The following C4orf51 variants were observed in gnomAD, a reference collection of about 807,000 sequenced individuals.
C4orf51 encodes the protein chromosome 4 open reading frame 51, also known as uncharacterized protein C4orf51.
In C4orf51, 25 loss-of-function variants were observed where a neutral mutation model predicts 25.2. The observed-to-expected ratio is 0.99, with a 90% CI of 0.72 to 1.39. The LOEUF (loss-of-function observed/expected upper bound fraction) is 1.39. Among genes scored for constraint, C4orf51 ranks in the 40% most tolerant of loss-of-function variants. The pLI is 0.00. For missense variants in C4orf51, 252 were observed against 239.6 expected, an observed-to-expected ratio of 1.05 and a Z score of -0.34; for synonymous variants, 100 against 84.5, an observed-to-expected ratio of 1.18 and a Z score of -1.01.
intron 1 of C4orf51, among the ~76,000 whole-genome samples, chr4:145,685,981 A>G (rs2126656712): frequency 6.6e-6 from 1 of 152,338 alleles, no homozygotes; most frequent in Non-Finnish European, 1.5e-5. Flanking sequence ...TAAATAAAAG[A>G]CTTGTGAAAG....
At chr4:145,737,943 A>G (rs1732890297) in intron 1 of C4orf51, among the ~76,000 whole-genome samples, 1 of 152,198 alleles carries the variant, frequency 6.6e-6, no homozygotes, top group Admixed American at 6.5e-5. Flanking sequence ...GGTGGAAACC[A>G]GACAGGTTAA....
the C4orf51 span, among the ~76,000 whole-genome samples, chr4:145,789,817 T>C: frequency 6.6e-6 from 1 of 152,226 alleles, no homozygotes; most frequent in Non-Finnish European, 1.5e-5. Flanking sequence ...GAAGCATCCA[T>C]GATCACATAA....
chr4:145,749,546 T>G (rs6537373), intron 1 of C4orf51, among the ~76,000 whole-genome samples: 62,521 of 151,868 alleles, frequency 0.41, 14,126 homozygotes, highest in Non-Finnish European at 0.53. Context: ...ATGATTTAGT[T>G]TCTTACTTTT....
At chr4:145,688,745 T>C (rs1729342525) in intron 1 of C4orf51, among the ~76,000 whole-genome samples, 1 of 152,224 alleles carries the variant, frequency 6.6e-6, no homozygotes, top group Non-Finnish European at 1.5e-5. Context: ...AAGGATATTG[T>C]AAAAATGTCA....
At chr4:145,699,878 G>A (rs1215393047) in intron 2 of C4orf51, among the ~76,000 whole-genome samples, 3 of 150,244 alleles carry the variant, frequency 2.0e-5, no homozygotes, top group Non-Finnish European at 4.4e-5. Context: ...GGAGGGGCAA[G>A]TACCCCTCAA....
chr4:145,704,498 A>G (rs1354266966), intron 2 of C4orf51, among the ~76,000 whole-genome samples: 1 of 152,110 alleles, frequency 6.6e-6, no homozygotes, highest in Admixed American at 6.5e-5. Flanking sequence ...CCTATTGTGT[A>G]TTCTTGGTGC....
chr4:145,778,424 G>A, the C4orf51 span, among the ~76,000 whole-genome samples: 3 of 152,186 alleles, frequency 2.0e-5, no homozygotes, highest in East Asian at 1.9e-4. Context: ...GTGAGCCATC[G>A]CGCCCGACAA....
intron 2 of C4orf51, among the ~76,000 whole-genome samples, chr4:145,709,101 G>A (rs75329159): frequency 6.6e-6 from 1 of 152,170 alleles, no homozygotes; most frequent in Non-Finnish European, 1.5e-5. Flanking sequence ...ATTCTAGAGG[G>A]AAAGGTTTAT....
chr4:145,721,123 G>A (rs559013630), intron 2 of C4orf51, among the ~76,000 whole-genome samples: 1 of 151,944 alleles, frequency 6.6e-6, no homozygotes, highest in South Asian at 2.1e-4. Context: ...GAGGTGGGCG[G>A]ATCACAAGGT....
chr4:145,703,513 T>C (rs974409261), intron 2 of C4orf51, among the ~76,000 whole-genome samples: 30 of 152,230 alleles, frequency 2.0e-4, no homozygotes, highest in Non-Finnish European at 1.5e-5. Context: ...AAACTCCTTA[T>C]CTGAGATATG....
At chr4:145,710,445 G>A (rs1458626577) in intron 2 of C4orf51, among the ~76,000 whole-genome samples, 2 of 152,204 alleles carry the variant, frequency 1.3e-5, no homozygotes, top group African/African-American at 4.8e-5. Flanking sequence ...AGGGTGGGCT[G>A]TCTGCATGTG....
intron 1 of C4orf51, among the ~76,000 whole-genome samples, chr4:145,746,101 T>A (rs1733357669): frequency 6.6e-6 from 1 of 152,230 alleles, no homozygotes; most frequent in African/African-American, 2.4e-5. Flanking sequence ...TTTGAACTCC[T>A]TATATATTCT....
At chr4:145,783,426 T>C in the C4orf51 span, among the ~76,000 whole-genome samples, 1 of 152,384 alleles carries the variant, frequency 6.6e-6, no homozygotes, top group African/African-American at 2.4e-5. Context: ...CACTAACTGC[T>C]TTCATGATTC....
Position 145,726,914 on chromosome 4 carries a change from T to G in C4orf51, c.311T>G (p.Leu104Arg), listed in dbSNP as rs1222420516. ...TTCCCTCTTCATGTGCATGCAGGAC[T>G]ATTCCCTGATATAACCAGGCCCTTT... is the stretch of plus-strand genomic sequence containing the variant. Reference protein sequence around the residue: ...GTQETTDIKGLFPDITRPFKK... With the variant: ...GTQETTDIKGRFPDITRPFKK... Residue 104 changes from leucine to arginine, a missense_variant, in exon 3 of 6, where the codon CTA (leucine) becomes CGA (arginine). Coordinates refer to ENST00000438731, the MANE Select transcript of C4orf51 (RefSeq NM_001080531.3). 6.2e-7 allele frequency: 1 copy of G among 1,611,594 alleles called. No individual in the cohort carries two copies. The highest frequency in any genetic ancestry group is 1.4e-5 in the African/African-American group (1 of 73,886).
chr4:145,698,129 A>G (rs1167939222), intron 2 of C4orf51, among the ~76,000 whole-genome samples: 1 of 152,204 alleles, frequency 6.6e-6, no homozygotes, highest in African/African-American at 2.4e-5. Flanking sequence ...TGTTATTTGG[A>G]AAAATGTCTC....
chr4:145,682,728 C>T (rs1343290433), intron 1 of C4orf51, among the ~76,000 whole-genome samples: 3 of 151,992 alleles, frequency 2.0e-5, no homozygotes, highest in Non-Finnish European at 2.9e-5. Flanking sequence ...AAAAGGATTC[C>T]GAATTTGGAG....
At chr4:145,728,356 T>C (rs1025747118) in intron 3 of C4orf51, among the ~76,000 whole-genome samples, 1 of 152,078 alleles carries the variant, frequency 6.6e-6, no homozygotes, top group African/African-American at 2.4e-5. Context: ...CAGATGAAGA[T>C]AGTTCAATTT....
downstream of C4orf51, chr4:145,774,629 C>T: frequency 6.2e-7 from 1 of 1,613,876 alleles, no homozygotes; most frequent in African/African-American, 1.3e-5. Context: ...ATGTGGCTGA[C>T]AAACTGGACA....
Position 145,765,229 on chromosome 4 carries a change from AG to A in C4orf51, n.167-5758del. 18 of 1,489,506 alleles carry A rather than the reference AG, an allele frequency of 1.2e-5. No individual in the cohort carries two copies. The highest frequency in any genetic ancestry group is 1.6e-5 in the Non-Finnish European group (18 of 1,112,444). 92.3% of individuals were successfully genotyped at this position (1,489,506 alleles called of 1,614,324 possible). A position where few individuals can be genotyped will look rare whatever the true frequency, so the allele number is the denominator to read the frequency against. On this transcript the variant is annotated intron_variant and non_coding_transcript_variant, in intron 1 of 1. Coordinates refer to the C4orf51 transcript ENST00000510096. The surrounding 1 kb of genome is among the most constrained non-coding windows in gnomAD (Gnocchi z 4.7). Reference sequence around the variant, plus strand: ...AGCGGGGAGAGGAGGGCAGGAGTGGAGCCAAGCTCCTCCCCACTTCCTCCCG... The same window carrying A: ...AGCGGGGAGAGGAGGGCAGGAGTGGACCAAGCTCCTCCCCACTTCCTCCCG...
Sources: allele counts gnomAD v4.1 joint callset (sites outside exome capture counted in the v4.1 genomes callset), GRCh38; gene constraint gnomAD v4.1.1; non-coding constraint Gnocchi (gnomAD v3.1); transcripts MANE v1.5; gene names NCBI Gene and HGNC (gene_info 2026-07-23, HGNC 2026-07-21).